The following RAF1 variants were observed in gnomAD, a reference collection of about 807,000 sequenced individuals.
The protein encoded by RAF1 is Raf-1 proto-oncogene, serine/threonine kinase, also known as RAF proto-oncogene serine/threonine-protein kinase.
A neutral mutation model predicts 81.1 loss-of-function variants in RAF1; 27 were observed. The observed-to-expected ratio is 0.33, with a 90% CI of 0.25 to 0.46. The LOEUF (loss-of-function observed/expected upper bound fraction) is 0.46, where lower values mean the gene tolerates loss of function less well. Ranked by LOEUF, RAF1 falls within the 20% of genes least tolerant of loss-of-function variation. The probability of loss-of-function intolerance (pLI) is 1.00; values close to 1 mark genes in which losing one functional copy is unlikely to be tolerated. For missense variants in RAF1, 598 were observed against 826.0 expected, an observed-to-expected ratio of 0.72 and a Z score of 3.38; for synonymous variants, 298 against 294.0, an observed-to-expected ratio of 1.01 and a Z score of -0.14.
At chr3:12,600,322 A>C in intron 9 of RAF1, 43 bp from the exon 9 acceptor site, 1 of 1,614,216 alleles carries the variant, frequency 6.2e-7, no homozygotes, top group Non-Finnish European at 8.5e-7. Flanking sequence ...GGATAAGCCA[A>C]CAGAAGATAC....
chr3:12,654,255 T>A (rs1468076301), intron 1 of RAF1, among the ~76,000 whole-genome samples: 1 of 152,004 alleles, frequency 6.6e-6, no homozygotes, highest in Non-Finnish European at 1.5e-5. Context: ...CCCAAAGTGC[T>A]GGGATTATAG....
chr3:12,653,433 T>C (rs752454833), intron 1 of RAF1, among the ~76,000 whole-genome samples: 10 of 152,152 alleles, frequency 6.6e-5, no homozygotes, highest in African/African-American at 2.2e-4. Context: ...CTCCAGTACA[T>C]TTCCTATTGC....
chr3:12,656,804 C>T (rs1338685423), intron 1 of RAF1, among the ~76,000 whole-genome samples: 1 of 152,098 alleles, frequency 6.6e-6, no homozygotes, highest in African/African-American at 2.4e-5. Context: ...CAAGACCAGT[C>T]TGGCCAACAT....
intron 11 of RAF1, among the ~76,000 whole-genome samples, chr3:12,594,514 G>A (rs1318796558): frequency 1.3e-5 from 2 of 152,146 alleles, no homozygotes; most frequent in Non-Finnish European, 2.9e-5. Context: ...GGTGTCACCT[G>A]TTCTGGCCCT....
At chr3:12,648,120 C>T (rs1374284224) in intron 1 of RAF1, among the ~76,000 whole-genome samples, 1 of 152,020 alleles carries the variant, frequency 6.6e-6, no homozygotes, top group Non-Finnish European at 1.5e-5. Flanking sequence ...TTTCTTTTCA[C>T]CTTCAAATCA....
intron 1 of RAF1, among the ~76,000 whole-genome samples, chr3:12,630,894 C>T (rs952101412): frequency 6.6e-5 from 10 of 152,196 alleles, no homozygotes; most frequent in Non-Finnish European, 1.3e-4. Flanking sequence ...ACCTCTGCTT[C>T]CTGGGTTCAA....
In RAF1 at chr3:12,590,834, A is replaced by C. The variant is rs757591797; in HGVS notation, c.1394T>G (p.Leu465Arg). The C allele has an allele frequency of 1.4e-5, 22 of 1,613,936 alleles. 1 individual carries two copies. The highest frequency in any genetic ancestry group is 3.3e-5 in the South Asian group (3 of 91,086). The change falls in exon 13 of 18, where the codon CTA becomes CGA. Residue 465 changes from leucine (L) to arginine (R), a missense_variant. Leu to Arg is a moderately radical substitution (Grantham distance 102). Around this residue, in one of 5 missense-constraint regions of RAF1, gnomAD observed 85 missense variants for 185.6 expected, o/e 0.46. Coordinates refer to ENST00000442415, the MANE Select transcript of RAF1 (RefSeq NM_001354689.3). ...AGCCGTCTGCCGGGCAATGTCAATT[A>C]GCTGGAACATCTGAAACTTGGTCTC...
chr3:12,599,452 C>T (rs751863967), intron 11 of RAF1, among the ~76,000 whole-genome samples: 4 of 152,198 alleles, frequency 2.6e-5, no homozygotes, highest in Non-Finnish European at 4.4e-5. Flanking sequence ...GAGAAGTACT[C>T]CTGACATTTG....
chr3:12,597,886 C>A (rs2058733521), intron 11 of RAF1, among the ~76,000 whole-genome samples: 1 of 151,552 alleles, frequency 6.6e-6, no homozygotes, highest in African/African-American at 2.4e-5. Flanking sequence ...GCCACTACTC[C>A]AGCCTGGGCA....
At chr3:12,591,582 A>G (rs2058515485) in intron 12 of RAF1, 126 bp downstream of exon 11, 3 of 796,634 alleles carry the variant, frequency 3.8e-6, no homozygotes, top group Admixed American at 4.0e-5. Context: ...ATCCAACCAC[A>G]GAAACTCCAC....
At chr3:12,657,412 C>T (rs1223233595) in intron 1 of RAF1, among the ~76,000 whole-genome samples, 3 of 152,110 alleles carry the variant, frequency 2.0e-5, no homozygotes, top group Non-Finnish European at 4.4e-5. Flanking sequence ...TTTCTATATC[C>T]TTTAAATTTT....
At position 12,627,429 on chromosome 3, in the gene RAF1, C is replaced by T. The variant is rs115289657; in HGVS notation, c.-26-8682G>A. Among the ~76,000 whole-genome samples the T allele has an allele frequency of 8.2e-3, 1,242 of 152,202 alleles. 19 individuals carry two copies. The highest frequency in any genetic ancestry group is 0.028 in the African/African-American group (1,151 of 41,522). ...CCTTCCTCTACTTTGGCTACTATTC[C>T]GTTAAAAAATTACTACATGGGCCTA... is the stretch of plus-strand genomic sequence containing the variant. On this transcript the variant is annotated intron_variant, in intron 1 of 17. Transcript: ENST00000442415.
intron 11 of RAF1, among the ~76,000 whole-genome samples, chr3:12,596,145 A>G (rs2058678978): frequency 6.8e-6 from 1 of 147,712 alleles, no homozygotes; most frequent in African/African-American, 2.5e-5. Flanking sequence ...AGTGCTAGGG[A>G]TTACAGGTGT....
At chr3:12,649,043 G>A (rs969428436) in intron 1 of RAF1, among the ~76,000 whole-genome samples, 2 of 152,118 alleles carry the variant, frequency 1.3e-5, no homozygotes, top group Non-Finnish European at 2.9e-5. Flanking sequence ...GAACACAGGA[G>A]GCAGAGGTTG....
At chr3:12,655,967 G>A (rs1046365133) in intron 1 of RAF1, among the ~76,000 whole-genome samples, 1 of 151,448 alleles carries the variant, frequency 6.6e-6, no homozygotes, top group African/African-American at 2.4e-5. Context: ...TCTGTTTGAG[G>A]TAACAAAAAG....
chr3:12,611,560 C>T (rs1442715268), intron 3 of RAF1, among the ~76,000 whole-genome samples: 1 of 152,066 alleles, frequency 6.6e-6, no homozygotes, highest in African/African-American at 2.4e-5. Context: ...ATTAGCCGGG[C>T]GCGGTGGTGG....
Position 12,584,386 on chromosome 3 carries a change from G to A in RAF1, c.*128C>T, listed in dbSNP as rs1340923413. 4.1e-6 allele frequency: 5 copies of A among 1,206,510 alleles called. No homozygotes were observed. Among genetic ancestry groups the A allele is most frequent in the South Asian group, 1.3e-5 (1 of 77,824 alleles). 74.7% of individuals were successfully genotyped at this position (1,206,510 alleles called of 1,614,324 possible). A position where few individuals can be genotyped will look rare whatever the true frequency, so the allele number is the denominator to read the frequency against. ...ACATGAAGTTAAGGCCCTGTGAGCA[G>A]TCTAGAAGGTCCTTAGCAGCAGCTT... On this transcript the variant is annotated 3_prime_UTR_variant, in exon 18 of 18. Coordinates refer to ENST00000442415, the MANE Select transcript of RAF1 (RefSeq NM_001354689.3).
rs1222643386 is a variant in RAF1 at position 12,598,749 on chromosome 3, AAAAAC to A, written c.1168+937_1168+941del. ...TCAAAAAAAAAAAAAAAAAAAAAAA[AAAAAC>A]CACCAAGTACTCAAAACTGGAGGTG... On this transcript the variant is annotated intron_variant, in intron 11 of 17. Transcript: ENST00000442415. 1.5e-4 allele frequency among the ~76,000 whole-genome samples: 21 copies of A among 139,218 alleles called. 1 individual carries two copies. The highest frequency in any genetic ancestry group is 4.5e-4 in the Admixed American group (6 of 13,260). The allele number at this position is 139,218 out of a possible 152,430, so 91.3% of individuals were successfully genotyped here.
chr3:12,593,710 T>C (rs1172041068), intron 11 of RAF1, among the ~76,000 whole-genome samples: 1 of 151,542 alleles, frequency 6.6e-6, no homozygotes, highest in African/African-American at 2.4e-5. Flanking sequence ...TGCATAAGTG[T>C]CCATTCTGGT....
Sources: allele counts gnomAD v4.1 joint callset (sites outside exome capture counted in the v4.1 genomes callset), GRCh38; gene constraint gnomAD v4.1.1; regional missense constraint gnomAD v4.1.1; transcripts MANE v1.5; gene names NCBI Gene and HGNC (gene_info 2026-07-23, HGNC 2026-07-21).